SERPINE2: variants seen among roughly 807,000 people sequenced by gnomAD.
SERPINE2 encodes serpin family E member 2, also known as glia-derived nexin.
A neutral mutation model predicts 36.3 loss-of-function variants in SERPINE2; 14 were observed. The observed-to-expected ratio is 0.39, with a 90% CI of 0.25 to 0.60. The LOEUF is 0.60. Among genes scored for constraint, SERPINE2 ranks in the 20% least tolerant of loss-of-function variants. The pLI, the probability that SERPINE2 is intolerant of heterozygous loss-of-function variation, is 0.57. For missense variants in SERPINE2, 418 were observed against 499.6 expected (o/e 0.84, Z 1.56); for synonymous variants, 192 against 191.8 (o/e 1.00, Z -0.01).
At chr2:223,982,031 C>T (rs1352077889) in intron 6 of SERPINE2, 1 of 151,390 alleles carries the variant, frequency 6.6e-6, no homozygotes, top group Non-Finnish European at 1.5e-5. Flanking sequence ...CTGGGGCTTC[C>T]CATGAAATGT....
intron 1 of SERPINE2, among the ~76,000 whole-genome samples, chr2:224,015,007 G>A (rs1233115546): frequency 1.3e-5 from 2 of 151,650 alleles, no homozygotes; most frequent in East Asian, 3.9e-4. Context: ...TCACCACTAG[G>A]TGGGGGCCAG....
intron 8 of SERPINE2, among the ~76,000 whole-genome samples, chr2:223,977,294 C>A (rs1056406653): frequency 1.3e-5 from 2 of 152,132 alleles, no homozygotes; most frequent in East Asian, 3.9e-4. Flanking sequence ...GGATGCTGAG[C>A]CTCTCTGTTA....
chr2:223,988,082 A>G (rs531101892), intron 4 of SERPINE2, among the ~76,000 whole-genome samples: 2 of 152,164 alleles, frequency 1.3e-5, no homozygotes, highest in Admixed American at 6.5e-5. Flanking sequence ...GTAGCTGGGG[A>G]AGGAGGGGTG....
chr2:223,997,143 C>T (rs912465613), intron 3 of SERPINE2, among the ~76,000 whole-genome samples: 1 of 152,164 alleles, frequency 6.6e-6, no homozygotes, highest in African/African-American at 2.4e-5. Flanking sequence ...TCCTGTTGTT[C>T]CAGACCTACA....
chr2:223,998,160 A>G lies in SERPINE2; in HGVS notation c.442T>C (p.Ser148Pro). The G allele has an allele frequency of 6.2e-7, 1 of 1,614,248 alleles. No individual in the cohort carries two copies. The highest frequency in any genetic ancestry group is 1.1e-5 in the South Asian group (1 of 91,082). Residue 148 changes from serine (S) to proline (P), a missense_variant, in exon 3 of 9, where the codon TCT becomes CCT. Coordinates refer to ENST00000409304, the MANE Select transcript of SERPINE2 (RefSeq NM_001136528.2). The part of the protein sequence containing the change: ...VRNVNFEDPA[S>P]ACDSINAWVK... ...CATGCATTGATGGAATCACAGGCAGAGGCTGGATCCTCAAAGTTCACATTC... is the reference window on the plus strand; with the variant it reads ...CATGCATTGATGGAATCACAGGCAGGGGCTGGATCCTCAAAGTTCACATTC...
At chr2:224,028,306 G>T (rs556463772) in intron 1 of SERPINE2, among the ~76,000 whole-genome samples, 1 of 152,272 alleles carries the variant, frequency 6.6e-6, no homozygotes, top group African/African-American at 2.4e-5. Context: ...CTGCAAGGAG[G>T]GTAATATCCT....
At chr2:224,005,834 TA>T (rs1691402129) in intron 1 of SERPINE2, among the ~76,000 whole-genome samples, 1 of 152,138 alleles carries the variant, frequency 6.6e-6, no homozygotes. Context: ...TTCACAACAG[TA>T]AAAATAGGTC....
intron 1 of SERPINE2, among the ~76,000 whole-genome samples, chr2:224,021,486 C>T (rs11673799): frequency 0.94 from 143,699 of 152,108 alleles, 68,226 homozygotes; most frequent in Non-Finnish European, 0.99. Flanking sequence ...GACAGAAATC[C>T]TTAAGGACTA....
At chr2:224,015,168 C>T (rs545350771) in intron 1 of SERPINE2, among the ~76,000 whole-genome samples, 21 of 152,312 alleles carry the variant, frequency 1.4e-4, no homozygotes, top group African/African-American at 4.8e-4. Context: ...AGCGAAATGT[C>T]AGTAGTGCCA....
chr2:224,010,231 T>C (rs765118098), intron 1 of SERPINE2: 2 of 359,776 alleles, frequency 5.6e-6, no homozygotes, highest in Non-Finnish European at 7.7e-6. Context: ...GGAGAAAGAC[T>C]TAGAGACATC....
intron 1 of SERPINE2, among the ~76,000 whole-genome samples, chr2:224,015,653 C>CA (rs1173803743): frequency 6.6e-6 from 1 of 152,248 alleles, no homozygotes; most frequent in Non-Finnish European, 1.5e-5. Flanking sequence ...ATCATTCACA[C>CA]TCCAGTGTCT....
chr2:223,983,496 G>A (rs548455699), intron 5 of SERPINE2, among the ~76,000 whole-genome samples: 17 of 152,068 alleles, frequency 1.1e-4, no homozygotes, highest in Non-Finnish European at 1.6e-4. Flanking sequence ...CTCGTGATCC[G>A]CCCACCTCGG....
At chr2:223,988,064 C>T (rs1038847324) in intron 4 of SERPINE2, among the ~76,000 whole-genome samples, 13 of 152,014 alleles carry the variant, frequency 8.6e-5, no homozygotes, top group African/African-American at 2.4e-4. Context: ...AAAGGGAGTT[C>T]GGGGACAGTA....
intron 5 of SERPINE2, 21 bp downstream of exon 5, chr2:223,984,731 T>C (rs1410590387): frequency 6.2e-7 from 1 of 1,608,266 alleles, no homozygotes. Flanking sequence ...CTGTTTTCTT[T>C]GAGGGGAAGG....
At chr2:223,990,833 C>T (rs1327459268) in intron 4 of SERPINE2, among the ~76,000 whole-genome samples, 1 of 152,134 alleles carries the variant, frequency 6.6e-6, no homozygotes, top group Non-Finnish European at 1.5e-5. Context: ...AAAAAATTAG[C>T]TGGCCGTGGT....
intron 4 of SERPINE2, among the ~76,000 whole-genome samples, chr2:223,988,838 T>G (rs904302110): frequency 2.0e-5 from 3 of 152,212 alleles, no homozygotes; most frequent in African/African-American, 7.2e-5. Flanking sequence ...TTATGGAATA[T>G]TATGTGGCTG....
intron 1 of SERPINE2, among the ~76,000 whole-genome samples, chr2:224,026,898 G>C (rs1455941770): frequency 2.0e-5 from 3 of 152,158 alleles, no homozygotes; most frequent in Non-Finnish European, 4.4e-5. Flanking sequence ...GGAGTTACCT[G>C]TTTTTCTTCA....
intron 1 of SERPINE2, among the ~76,000 whole-genome samples, chr2:224,036,273 C>A (rs1457476485): frequency 6.6e-6 from 1 of 151,026 alleles, no homozygotes; most frequent in African/African-American, 2.4e-5. Flanking sequence ...CCCTGGGTAA[C>A]CCCAAGAGGT....
intron 4 of SERPINE2, among the ~76,000 whole-genome samples, chr2:223,987,677 G>T (rs568226501): frequency 5.0e-4 from 76 of 152,288 alleles, no homozygotes; most frequent in Middle Eastern, 6.8e-3. Context: ...AATAAGTGAA[G>T]AATCAAGCAT....
Sources: allele counts gnomAD v4.1 joint callset (sites outside exome capture counted in the v4.1 genomes callset), GRCh38; gene constraint gnomAD v4.1.1; transcripts MANE v1.5; gene names NCBI Gene and HGNC (gene_info 2026-07-23, HGNC 2026-07-21).